Variants in MAP2 observed in about 807,000 individuals in gnomAD.
The protein encoded by MAP2 is microtubule associated protein 2, also known as microtubule-associated protein 2.
In MAP2, 14 loss-of-function variants were observed where a neutral mutation model predicts 137.6. The ratio of observed to expected loss-of-function variants is 0.10; its 90% confidence interval spans 0.07 to 0.16. The LOEUF is 0.16. MAP2 is among the 10% of genes least tolerant of loss of function. The pLI is 1.00. For synonymous variants in MAP2, 786 were observed against 782.3 expected, an observed-to-expected ratio of 1.00 and a Z score of -0.08; for missense variants, 2,088 against 2,191.5, an observed-to-expected ratio of 0.95 and a Z score of 0.94.
intron 1 of MAP2, among the ~76,000 whole-genome samples, chr2:209,497,300 C>A (rs527337151): frequency 6.6e-6 from 1 of 152,190 alleles, no homozygotes; most frequent in Non-Finnish European, 1.5e-5. Context: ...AATTTCCCCA[C>A]CCATCTTCAT....
intron 1 of MAP2, among the ~76,000 whole-genome samples, chr2:209,478,155 C>T (rs1034279017): frequency 6.6e-6 from 1 of 152,086 alleles, no homozygotes; most frequent in African/African-American, 2.4e-5. Context: ...ACAAAAAATT[C>T]TGGTAAACAC....
At chr2:209,468,239 C>T (rs1357774617) in intron 1 of MAP2, among the ~76,000 whole-genome samples, 1 of 151,126 alleles carries the variant, frequency 6.6e-6, no homozygotes, top group African/African-American at 2.4e-5. Context: ...ATTAATTTTT[C>T]ACATCTCTCC....
intron 1 of MAP2, among the ~76,000 whole-genome samples, chr2:209,501,516 C>G (rs1162017398): frequency 6.6e-6 from 1 of 152,174 alleles, no homozygotes; most frequent in African/African-American, 2.4e-5. Context: ...TGACATTTCT[C>G]TTACCTTTTA....
chr2:209,458,240 C>T (rs1702001022), intron 1 of MAP2, among the ~76,000 whole-genome samples: 1 of 152,058 alleles, frequency 6.6e-6, no homozygotes. Flanking sequence ...TTTGGAGTCA[C>T]AGAAGAATGT....
intron 2 of MAP2, among the ~76,000 whole-genome samples, chr2:209,546,653 TAAAGGCTC>T (rs2068134766): frequency 6.6e-6 from 1 of 152,218 alleles, no homozygotes; most frequent in Non-Finnish European, 1.5e-5. Flanking sequence ...CTGGGACTTT[TAAAGGCTC>T]AAAGTTGGTC....
At chr2:209,507,134 T>A (rs898084180) in intron 1 of MAP2, among the ~76,000 whole-genome samples, 1 of 152,092 alleles carries the variant, frequency 6.6e-6, no homozygotes, top group South Asian at 2.1e-4. Flanking sequence ...AAATATCACA[T>A]TGGGGGATTA....
At chr2:209,714,006 A>G (rs1175292272) in intron 13 of MAP2, among the ~76,000 whole-genome samples, 1 of 151,878 alleles carries the variant, frequency 6.6e-6, no homozygotes, top group African/African-American at 2.4e-5. Flanking sequence ...AGCCTGGCCA[A>G]CATGGTGAAA....
At chr2:209,497,551 A>G (rs1430743049) in intron 1 of MAP2, among the ~76,000 whole-genome samples, 2 of 152,224 alleles carry the variant, frequency 1.3e-5, no homozygotes, top group East Asian at 3.8e-4. Context: ...GAATTTACAA[A>G]GAAAAGAGGT....
intron 1 of MAP2, among the ~76,000 whole-genome samples, chr2:209,455,631 A>G (rs924730720): frequency 4.9e-4 from 74 of 152,340 alleles, no homozygotes; most frequent in African/African-American, 1.8e-3. Context: ...GAGCATTAAT[A>G]AAAAACACGG....
intron 5 of MAP2, among the ~76,000 whole-genome samples, chr2:209,661,157 A>G (rs1454713436): frequency 3.3e-5 from 5 of 152,086 alleles, no homozygotes; most frequent in East Asian, 1.9e-4. Context: ...CTGCTTTTCA[A>G]TCTCAGAAGA....
chr2:209,664,811 T>G (rs1005240640), intron 5 of MAP2, among the ~76,000 whole-genome samples: 4 of 151,336 alleles, frequency 2.6e-5, no homozygotes, highest in African/African-American at 9.7e-5. Context: ...AATACAAAAA[T>G]TAGCTAGGCT....
chr2:209,572,798 G>C (rs1264826913), intron 2 of MAP2, among the ~76,000 whole-genome samples: 2 of 152,112 alleles, frequency 1.3e-5, no homozygotes, highest in African/African-American at 4.8e-5. Flanking sequence ...ATGGTGTATA[G>C]TTAATACTTT....
chr2:209,714,729 A>G (rs1290090696), intron 13 of MAP2, among the ~76,000 whole-genome samples: 2 of 152,232 alleles, frequency 1.3e-5, no homozygotes, highest in Non-Finnish European at 2.9e-5. Flanking sequence ...TTCTAATCCA[A>G]CCCTCACATT....
chr2:209,684,840 G>A (rs2056374394), intron 7 of MAP2, among the ~76,000 whole-genome samples: 1 of 152,100 alleles, frequency 6.6e-6, no homozygotes, highest in Admixed American at 6.5e-5. Context: ...ATTCAATCCT[G>A]ACCTCAAACA....
intron 2 of MAP2, among the ~76,000 whole-genome samples, chr2:209,533,652 C>A (rs982412035): frequency 6.6e-6 from 1 of 152,144 alleles, no homozygotes; most frequent in African/African-American, 2.4e-5. Context: ...GGATACAGCT[C>A]TTTGAAACAA....
At chr2:209,520,317 A>G (rs2063097576) in intron 2 of MAP2, among the ~76,000 whole-genome samples, 1 of 152,096 alleles carries the variant, frequency 6.6e-6, no homozygotes, top group Admixed American at 6.6e-5. Flanking sequence ...CTAAATCCAT[A>G]TGCTCTAATA....
intron 2 of MAP2, among the ~76,000 whole-genome samples, chr2:209,531,734 A>G (rs1410860045): frequency 6.6e-6 from 1 of 152,206 alleles, no homozygotes; most frequent in Non-Finnish European, 1.5e-5. Context: ...TTTACAGGCA[A>G]TTCCTCTTTC....
At chr2:209,704,526 C>A in intron 11 of MAP2, 14 of 1,612,678 alleles carry the variant, frequency 8.7e-6, no homozygotes, top group Non-Finnish European at 1.2e-5. Context: ...TGCCCTAGCA[C>A]GACTAAAAGG....
chr2:209,496,949 TA>T (rs34325206), intron 1 of MAP2, among the ~76,000 whole-genome samples: 33,313 of 150,020 alleles, frequency 0.22, 4,106 homozygotes, highest in East Asian at 0.37. Flanking sequence ...CTGGCTAATT[TA>T]AAAAAAAAAA....
Sources: gnomAD v4.1 joint callset for allele counts (sites outside exome capture counted in the v4.1 genomes callset) on GRCh38, gnomAD v4.1.1 for gene constraint, MANE v1.5 for transcripts, NCBI Gene and HGNC (gene_info 2026-07-23, HGNC 2026-07-21) for gene names.